Variants in LRRC38 observed in about 807,000 individuals in gnomAD.
LRRC38 encodes leucine rich repeat containing 38, also known as leucine-rich repeat-containing protein 38.
Under a neutral mutation model 16.4 loss-of-function variants are expected in LRRC38, and 5 were observed. The ratio of observed to expected loss-of-function variants is 0.31; its 90% CI spans 0.16 to 0.64. The LOEUF is 0.64. Ranked by LOEUF, LRRC38 falls within the 30% of genes least tolerant of loss-of-function variation. The pLI is 0.80. For synonymous variants in LRRC38, 191 were observed against 190.2 expected (o/e 1.00, Z -0.04); for missense variants, 341 against 401.8 (o/e 0.85, Z 1.29).
intron 1 of LRRC38, among the ~76,000 whole-genome samples, chr1:13,478,012 C>T (rs1355683883): frequency 1.3e-5 from 2 of 152,184 alleles, no homozygotes; most frequent in East Asian, 3.9e-4. Context: ...AACACCAGCC[C>T]TCCTTGGACA....
chr1:13,479,147 A>G (rs1439338554), intron 1 of LRRC38, among the ~76,000 whole-genome samples: 2 of 152,010 alleles, frequency 1.3e-5, no homozygotes, highest in African/African-American at 4.8e-5. Flanking sequence ...TTTAAAACAA[A>G]GTTATACTGG....
intron 1 of LRRC38, among the ~76,000 whole-genome samples, chr1:13,481,297 A>G (rs1638850658): frequency 6.6e-6 from 1 of 151,986 alleles, no homozygotes. Flanking sequence ...TATTTTTAGT[A>G]GAGATCTACC....
chr1:13,504,672 G>A (rs112512943), intron 1 of LRRC38, among the ~76,000 whole-genome samples: 3 of 143,550 alleles, frequency 2.1e-5, no homozygotes, highest in Admixed American at 1.4e-4. Context: ...ACAGTGAGCC[G>A]AGATTGCGCC....
intron 1 of LRRC38, among the ~76,000 whole-genome samples, chr1:13,494,343 G>C (rs1639055295): frequency 6.6e-6 from 1 of 151,400 alleles, no homozygotes; most frequent in South Asian, 2.1e-4. Flanking sequence ...CTGATTGACT[G>C]CAGTGACAAT....
At chr1:13,483,570 C>G in intron 1 of LRRC38, among the ~76,000 whole-genome samples, 1 of 152,234 alleles carries the variant, frequency 6.6e-6, no homozygotes, top group South Asian at 2.1e-4. Context: ...AGCTTCTGGA[C>G]ACCCTTGTCA....
At chr1:13,479,767 G>A (rs1638829413) in intron 1 of LRRC38, among the ~76,000 whole-genome samples, 1 of 152,134 alleles carries the variant, frequency 6.6e-6, no homozygotes, top group Non-Finnish European at 1.5e-5. Context: ...CAGGCAGACA[G>A]GGCCCAGCAC....
intron 1 of LRRC38, among the ~76,000 whole-genome samples, chr1:13,501,679 C>T (rs1438763210): frequency 6.9e-6 from 1 of 144,164 alleles, no homozygotes; most frequent in African/African-American, 2.6e-5. Context: ...CTGCAACTTC[C>T]AACTCCCAGG....
chr1:13,501,953 A>C (rs999543244), intron 1 of LRRC38, among the ~76,000 whole-genome samples: 2 of 149,742 alleles, frequency 1.3e-5, no homozygotes, highest in African/African-American at 2.5e-5. Context: ...TGGGGGATGG[A>C]GTCTTGCTCT....
At chr1:13,495,809 G>A (rs71629831) in intron 1 of LRRC38, among the ~76,000 whole-genome samples, 20,465 of 152,024 alleles carry the variant, frequency 0.13, 1,669 homozygotes, top group Non-Finnish European at 0.18. Flanking sequence ...ATCGAATTCC[G>A]TTTCCTTGTA....
intron 1 of LRRC38, among the ~76,000 whole-genome samples, chr1:13,479,675 A>G (rs746690255): frequency 2.6e-5 from 4 of 152,222 alleles, no homozygotes; most frequent in Non-Finnish European, 4.4e-5. Flanking sequence ...TGGGGCTTTC[A>G]TGATAAGATC....
At chr1:13,512,837 A>T in intron 1 of LRRC38, 126 bp downstream of exon 1, 2 of 1,000,676 alleles carry the variant, frequency 2.0e-6, no homozygotes, top group South Asian at 1.7e-5. Flanking sequence ...ACCCAGGAAA[A>T]GTTCAGGATC....
rs563275537 is a variant in LRRC38, at chr1:13,512,626, C to T, written c.631+337G>A. ...CATAGAGTAGGCTGCATTCCGCTTACCAGGGACGCATAAGTAATCCACACC... is the reference window on the plus strand; with the variant it reads ...CATAGAGTAGGCTGCATTCCGCTTATCAGGGACGCATAAGTAATCCACACC... On this transcript the variant is annotated intron_variant, in intron 1 of 1. Coordinates refer to ENST00000376085, the MANE Select transcript of LRRC38 (RefSeq NM_001010847.2). Among the ~76,000 whole-genome samples, 160 of 152,134 alleles carry T rather than the reference C, an allele frequency of 1.1e-3. 1 individual carries two copies. In the Middle Eastern group the frequency reaches 0.014, roughly 13 times the overall value.
chr1:13,501,104 C>G (rs1375445571), intron 1 of LRRC38, among the ~76,000 whole-genome samples: 2 of 151,982 alleles, frequency 1.3e-5, no homozygotes, highest in Non-Finnish European at 2.9e-5. Flanking sequence ...GACACTGGTT[C>G]ATCATATTGG....
At chr1:13,486,884 C>A (rs181016617) in intron 1 of LRRC38, among the ~76,000 whole-genome samples, 100 of 152,312 alleles carry the variant, frequency 6.6e-4, no homozygotes, top group African/African-American at 2.1e-3. Flanking sequence ...TGCCACTGCA[C>A]CTACCCTAAC....
intron 1 of LRRC38, among the ~76,000 whole-genome samples, chr1:13,493,599 G>C (rs999692132): frequency 6.6e-6 from 1 of 152,188 alleles, no homozygotes; most frequent in Non-Finnish European, 1.5e-5. Context: ...TTTGCAGGCA[G>C]TCCTGATATA....
chr1:13,507,983 C>T (rs891765568), intron 1 of LRRC38, among the ~76,000 whole-genome samples: 1 of 152,080 alleles, frequency 6.6e-6, no homozygotes, highest in African/African-American at 2.4e-5. Context: ...GCCTGTAATA[C>T]CAGCACACTT....
intron 1 of LRRC38, among the ~76,000 whole-genome samples, chr1:13,482,673 G>A (rs1338869268): frequency 6.6e-6 from 1 of 152,018 alleles, no homozygotes; most frequent in South Asian, 2.1e-4. Context: ...CAGCAGGACA[G>A]TGGAAGGATG....
intron 1 of LRRC38, 115 bp from the exon 2 acceptor site, chr1:13,476,214 A>G: frequency 1.1e-6 from 1 of 895,184 alleles, no homozygotes; most frequent in Non-Finnish European, 1.7e-6. Context: ...TCCCAAAAAT[A>G]AAAGGGGGGA....
At chr1:13,492,363 G>A (rs777297271) in intron 1 of LRRC38, among the ~76,000 whole-genome samples, 12 of 152,100 alleles carry the variant, frequency 7.9e-5, no homozygotes, top group Non-Finnish European at 1.6e-4. Flanking sequence ...TTTATTTGGA[G>A]GAAAAATATA....
Sources: allele counts gnomAD v4.1 joint callset (sites outside exome capture counted in the v4.1 genomes callset), GRCh38; gene constraint gnomAD v4.1.1; transcripts MANE v1.5; gene names NCBI Gene and HGNC (gene_info 2026-07-23, HGNC 2026-07-21).